The following UNC13B variants were observed in gnomAD, a reference collection of about 807,000 sequenced individuals.
UNC13B encodes unc-13 homolog B.
Under a neutral mutation model 211.0 loss-of-function variants are expected in UNC13B, and 144 were observed. That is an observed-to-expected ratio of 0.68 (90% CI 0.60 to 0.78). The LOEUF is 0.78. Among genes scored for constraint, UNC13B ranks in the 30% least tolerant of loss-of-function variants. The probability of loss-of-function intolerance (pLI) is 0.00; values close to 1 mark genes in which losing one functional copy is unlikely to be tolerated. For synonymous variants in UNC13B, 709 were observed against 725.8 expected, an observed-to-expected ratio of 0.98 and a Z score of 0.37; for missense variants, 1,777 against 2,002.0, an observed-to-expected ratio of 0.89 and a Z score of 2.14.
chr9:35,290,752 G>GGTCTCT (rs1318176830), intron 7 of UNC13B, among the ~76,000 whole-genome samples: 1 of 151,940 alleles, frequency 6.6e-6, no homozygotes, highest in East Asian at 2.0e-4. Flanking sequence ...ATGGTGTTCT[G>GGTCTCT]AGAGAGACCT....
chr9:35,257,890 C>T (rs549447167), intron 6 of UNC13B, among the ~76,000 whole-genome samples: 5 of 152,222 alleles, frequency 3.3e-5, no homozygotes, highest in African/African-American at 1.2e-4. Flanking sequence ...ATTATTTACC[C>T]TCATGTTCCC....
At chr9:35,205,428 A>G (rs757604606) in intron 1 of UNC13B, among the ~76,000 whole-genome samples, 12 of 152,196 alleles carry the variant, frequency 7.9e-5, no homozygotes, top group Non-Finnish European at 1.6e-4. Flanking sequence ...GTATAAATCC[A>G]GTGGTTTTTA....
intron 8 of UNC13B, among the ~76,000 whole-genome samples, chr9:35,296,186 A>C (rs1226378953): frequency 1.3e-5 from 2 of 152,260 alleles, no homozygotes; most frequent in East Asian, 3.8e-4. Context: ...TCAACTGATC[A>C]GGGCGATCCC....
At chr9:35,284,301 G>C (rs923984283) in intron 7 of UNC13B, among the ~76,000 whole-genome samples, 1 of 151,996 alleles carries the variant, frequency 6.6e-6, no homozygotes, top group Non-Finnish European at 1.5e-5. Context: ...TGAGCAGTAC[G>C]GTTATGATTT....
chr9:35,214,475 A>G (rs1440979528), intron 1 of UNC13B, among the ~76,000 whole-genome samples: 1 of 152,054 alleles, frequency 6.6e-6, no homozygotes, highest in African/African-American at 2.4e-5. Flanking sequence ...AACAAAAGAA[A>G]CTAGGTATAT....
At chr9:35,394,984 G>A (rs984407669) in intron 26 of UNC13B, among the ~76,000 whole-genome samples, 1 of 152,182 alleles carries the variant, frequency 6.6e-6, no homozygotes, top group Non-Finnish European at 1.5e-5. Context: ...AAAAGAAAGA[G>A]TTAGGGAGTT....
chr9:35,342,023 C>T (rs530712929), intron 11 of UNC13B: 30 of 985,442 alleles, frequency 3.0e-5, no homozygotes, highest in Non-Finnish European at 3.1e-5. Context: ...TAGATTTCTA[C>T]GTTTGCAGCC....
chr9:35,403,085 T>C, intron 37 of UNC13B, 82 bp from the exon 38 acceptor site: 1 of 1,229,272 alleles, frequency 8.1e-7, no homozygotes, highest in Admixed American at 1.7e-5. Flanking sequence ...TGCTTTTGGG[T>C]ATAGGGTGGT....
chr9:35,188,595 C>T (rs758551951), intron 1 of UNC13B, among the ~76,000 whole-genome samples: 1 of 152,092 alleles, frequency 6.6e-6, no homozygotes, highest in Non-Finnish European at 1.5e-5. Flanking sequence ...TCTGAACCAT[C>T]CAGAAAGCCA....
chr9:35,217,449 C>T (rs1474142110), intron 1 of UNC13B, among the ~76,000 whole-genome samples: 1 of 148,518 alleles, frequency 6.7e-6, no homozygotes, highest in African/African-American at 2.5e-5. Flanking sequence ...AGTGCAGTGG[C>T]GTGATCTCAG....
intron 9 of UNC13B, 65 bp from the exon 10 acceptor site, chr9:35,310,401 TC>T: frequency 6.6e-7 from 1 of 1,516,356 alleles, no homozygotes; most frequent in Admixed American, 1.8e-5. Context: ...CCTGGATGTC[TC>T]CTTTCTTTTG....
In UNC13B at chr9:35,399,808, G is replaced by T. The variant is rs1330435491; in HGVS notation, c.12336+79G>T. 14 of 1,426,740 alleles carry T rather than the reference G, an allele frequency of 9.8e-6. No individual in the cohort carries two copies. The East Asian group carries it at 3.0e-4, about 30-fold the overall frequency. 88.4% of individuals were successfully genotyped at this position (1,426,740 alleles called of 1,614,324 possible). On this transcript the variant is annotated intron_variant, in intron 36 of 39. Transcript: ENST00000635942. Reference sequence around the variant, plus strand: ...GGCATTCCACTCTCCCAGACCAGGTGTCCCTCCAATTCTTAACACTCCACA... The same window carrying T: ...GGCATTCCACTCTCCCAGACCAGGTTTCCCTCCAATTCTTAACACTCCACA...
At chr9:35,242,277 A>T (rs1021555749) in intron 5 of UNC13B, among the ~76,000 whole-genome samples, 2 of 152,174 alleles carry the variant, frequency 1.3e-5, no homozygotes, top group African/African-American at 4.8e-5. Context: ...AGCTTCTTTT[A>T]AAAAATTTTT....
At chr9:35,247,653 G>C (rs1192338376) in intron 6 of UNC13B, among the ~76,000 whole-genome samples, 1 of 152,188 alleles carries the variant, frequency 6.6e-6, no homozygotes, top group African/African-American at 2.4e-5. Flanking sequence ...TGCTGAATTA[G>C]ATTTATTGAT....
chr9:35,276,725 C>T (rs1473426209), intron 7 of UNC13B, among the ~76,000 whole-genome samples: 1 of 152,234 alleles, frequency 6.6e-6, no homozygotes, highest in South Asian at 2.1e-4. Flanking sequence ...CTCTATTCCA[C>T]TCCGGGATAA....
Position 35,403,521 on chromosome 9 carries a change from A to G in UNC13B, c.12659A>G (p.Gln4220Arg). 6.2e-7 allele frequency: 1 copy of G among 1,614,088 alleles called. No individual in the cohort carries two copies. The highest frequency in any genetic ancestry group is 8.5e-7 in the Non-Finnish European group (1 of 1,180,004). ...GAGGTGACTATGGTTGGCCCACACC[A>G]AAGTGATAAGAAGAGGAAGTTCACA... ...FVEVTMVGPHQSDKKRKFTTK... is the reference protein window; with the variant it reads ...FVEVTMVGPHRSDKKRKFTTK... The change falls in exon 39 of 40, where the codon CAA (glutamine) becomes CGA (arginine). Residue 4220 changes from glutamine (Q) to arginine (R), a missense_variant. Gln to Arg is a conservative substitution (Grantham distance 43, BLOSUM62 1). Coordinates refer to ENST00000635942, the MANE Select transcript of UNC13B (RefSeq NM_001371189.2).
chr9:35,402,071 A>G (rs1232145110), intron 37 of UNC13B: 1 of 1,474,390 alleles, frequency 6.8e-7, no homozygotes, highest in Non-Finnish European at 9.3e-7. Context: ...GGGAGCTAGA[A>G]TGAGCAACTC....
chr9:35,173,197 G>A (rs1423633604), intron 1 of UNC13B, among the ~76,000 whole-genome samples: 3 of 152,138 alleles, frequency 2.0e-5, no homozygotes, highest in East Asian at 3.9e-4. Context: ...AAGATGATTC[G>A]AAAGGCTAGA....
At position 35,237,697 on chromosome 9, in the gene UNC13B, T is replaced by C. The variant is rs770789445; in HGVS notation, c.271-6T>C. The C allele has an allele frequency of 2.4e-5, 38 of 1,609,818 alleles. No homozygotes were observed. The highest frequency in any genetic ancestry group is 3.2e-5 in the Non-Finnish European group (38 of 1,179,112). ...TAAACTTTAATCTTAGATCTTTGTTTCCTAGGAAGGGCCTGGGGAATGGTC... is the reference window on the plus strand; with the variant it reads ...TAAACTTTAATCTTAGATCTTTGTTCCCTAGGAAGGGCCTGGGGAATGGTC... On this transcript the variant is annotated splice_region_variant and splice_polypyrimidine_tract_variant and intron_variant, in intron 4 of 39. Transcript: ENST00000635942.
Sources: allele counts gnomAD v4.1 joint callset (sites outside exome capture counted in the v4.1 genomes callset), GRCh38; gene constraint gnomAD v4.1.1; transcripts MANE v1.5; gene names NCBI Gene and HGNC (gene_info 2026-07-23, HGNC 2026-07-21).